MYO3B: variants seen among roughly 807,000 people sequenced by gnomAD.
The protein encoded by MYO3B is myosin IIIB, also known as myosin-IIIb.
Under a neutral mutation model 174.6 loss-of-function variants are expected in MYO3B, and 156 were observed. The observed-to-expected ratio is 0.89, with a 90% CI of 0.78 to 1.02. The LOEUF (loss-of-function observed/expected upper bound fraction) is 1.02, where lower values mean the gene tolerates loss of function less well. MYO3B is among the 50% of genes least tolerant of loss of function. The pLI is 0.00. For missense variants in MYO3B, 1,632 were observed against 1,639.4 expected, an observed-to-expected ratio of 1.00 and a Z score of 0.08; for synonymous variants, 563 against 569.1, an observed-to-expected ratio of 0.99 and a Z score of 0.15.
chr2:170,633,396 A>T (rs1383697299), intron 32 of MYO3B, among the ~76,000 whole-genome samples: 1 of 152,198 alleles, frequency 6.6e-6, no homozygotes, highest in Non-Finnish European at 1.5e-5. Context: ...CAGATGCAGA[A>T]AAGGCCTTGG....
intron 32 of MYO3B, among the ~76,000 whole-genome samples, chr2:170,582,360 G>T (rs1238907047): frequency 6.6e-6 from 1 of 152,212 alleles, no homozygotes. Flanking sequence ...TGTGCGTGGG[G>T]TGGAGTCAAG....
intron 8 of MYO3B, among the ~76,000 whole-genome samples, chr2:170,361,580 A>G (rs2094161528): frequency 6.6e-6 from 1 of 152,248 alleles, no homozygotes; most frequent in East Asian, 1.9e-4. Context: ...CTTAAACATA[A>G]GAAGGAGGTG....
chr2:170,333,822 T>C (rs1014667554), intron 7 of MYO3B: 27 of 152,206 alleles, frequency 1.8e-4, no homozygotes, highest in Admixed American at 1.7e-3. Context: ...ATGGTGCTTG[T>C]GCTTCTAGTA....
intron 32 of MYO3B, among the ~76,000 whole-genome samples, chr2:170,573,258 A>C (rs751505099): frequency 6.7e-6 from 1 of 149,184 alleles, no homozygotes; most frequent in Non-Finnish European, 1.5e-5. Context: ...TATGTATGCT[A>C]TGTTGTACTA....
intron 7 of MYO3B, among the ~76,000 whole-genome samples, chr2:170,264,179 A>G (rs2093365943): frequency 6.6e-6 from 1 of 152,246 alleles, no homozygotes; most frequent in Admixed American, 6.5e-5. Flanking sequence ...ACAGAACAAA[A>G]TGGAGTCTCT....
At chr2:170,358,880 G>A (rs2094141619) in intron 8 of MYO3B, among the ~76,000 whole-genome samples, 1 of 152,154 alleles carries the variant, frequency 6.6e-6, no homozygotes. Context: ...TTCTAAGCCT[G>A]TGCACATAAA....
rs550584991 is a variant in MYO3B, at chr2:170,213,382, G to A, written c.322-997G>A. On this transcript the variant is annotated intron_variant, in intron 3 of 34. Transcript: ENST00000408978. ...TGACCAAGCAGGGGGTACGTGACAG[G>A]GGCTGCATGCACCGGTGGTCAGAGT... Among the ~76,000 whole-genome samples, 446 of 152,252 alleles carry A rather than the reference G, an allele frequency of 2.9e-3. 3 individuals are homozygous for A. The highest frequency in any genetic ancestry group is 2.9e-3 in the Non-Finnish European group (195 of 68,026).
intron 7 of MYO3B, among the ~76,000 whole-genome samples, chr2:170,258,424 T>C (rs1314247867): frequency 6.6e-6 from 1 of 152,148 alleles, no homozygotes; most frequent in African/African-American, 2.4e-5. Flanking sequence ...AATCAATAAA[T>C]GTGATTCACC....
At chr2:170,479,563 T>G (rs1685547910) in intron 25 of MYO3B, among the ~76,000 whole-genome samples, 1 of 146,440 alleles carries the variant, frequency 6.8e-6, no homozygotes, top group Non-Finnish European at 1.5e-5. Flanking sequence ...TATAAATGTA[T>G]GTTTTATATA....
At chr2:170,391,289 G>A (rs1174322937) in intron 14 of MYO3B, among the ~76,000 whole-genome samples, 1 of 152,160 alleles carries the variant, frequency 6.6e-6, no homozygotes, top group East Asian at 1.9e-4. Context: ...TCCTGTAAAT[G>A]TCCCATTCTC....
chr2:170,243,018 T>C (rs1038515060), intron 7 of MYO3B, among the ~76,000 whole-genome samples: 3 of 152,154 alleles, frequency 2.0e-5, no homozygotes, highest in African/African-American at 7.2e-5. Flanking sequence ...AAAGGAAGGT[T>C]CTTCACAGCT....
intron 7 of MYO3B, among the ~76,000 whole-genome samples, chr2:170,272,203 C>A (rs1404466898): frequency 6.6e-6 from 1 of 151,964 alleles, no homozygotes; most frequent in African/African-American, 2.4e-5. Flanking sequence ...AATTCACAGG[C>A]CCTAGCCTAG....
intron 21 of MYO3B, among the ~76,000 whole-genome samples, chr2:170,407,470 AAAAAC>A (rs1171135827): frequency 1.3e-5 from 2 of 150,690 alleles, no homozygotes; most frequent in Non-Finnish European, 3.0e-5. Context: ...CAAGAAAGAA[AAAAAC>A]AAAACAACAA....
rs996375342 is a variant in MYO3B at position 170,211,787 on chromosome 2, A to C, written c.322-2592A>C. ...CACACAAAACAAGATGGAGGCCTGC[A>C]GCAAAGTTTGCTGTTGGCCATACAG... On this transcript the variant is annotated intron_variant, in intron 3 of 34. Coordinates refer to ENST00000408978, the MANE Select transcript of MYO3B (RefSeq NM_138995.5). Among the ~76,000 whole-genome samples the C allele has an allele frequency of 3.9e-5, 6 of 152,206 alleles. No homozygotes were observed. In the South Asian group the frequency reaches 1.2e-3, roughly 32 times the overall value.
chr2:170,322,519 T>G (rs947622296), intron 7 of MYO3B, among the ~76,000 whole-genome samples: 2 of 152,154 alleles, frequency 1.3e-5, no homozygotes, highest in Admixed American at 1.3e-4. Flanking sequence ...CATCCAGGTG[T>G]GAGAGGGGGT....
intron 32 of MYO3B, among the ~76,000 whole-genome samples, chr2:170,624,735 A>T (rs986177533): frequency 6.6e-6 from 1 of 152,062 alleles, no homozygotes; most frequent in Admixed American, 6.6e-5. Flanking sequence ...TTTGATATAC[A>T]TCTCATCAAT....
intron 14 of MYO3B, among the ~76,000 whole-genome samples, chr2:170,391,260 A>G (rs2094409910): frequency 6.6e-6 from 1 of 152,146 alleles, no homozygotes; most frequent in Non-Finnish European, 1.5e-5. Context: ...AGAGCTCAAC[A>G]TATGTAACTT....
At chr2:170,269,915 G>C (rs973226521) in intron 7 of MYO3B, among the ~76,000 whole-genome samples, 3 of 152,198 alleles carry the variant, frequency 2.0e-5, no homozygotes, top group Admixed American at 6.5e-5. Context: ...GAGGAGCAGG[G>C]CAGGAATAAT....
intron 32 of MYO3B, among the ~76,000 whole-genome samples, chr2:170,615,456 A>G (rs1695397179): frequency 6.6e-6 from 1 of 152,274 alleles, no homozygotes. Context: ...GCCAGTGCCA[A>G]GGTCCTGAAG....
Sources: allele counts gnomAD v4.1 joint callset (sites outside exome capture counted in the v4.1 genomes callset), GRCh38; gene constraint gnomAD v4.1.1; transcripts MANE v1.5; gene names NCBI Gene and HGNC (gene_info 2026-07-23, HGNC 2026-07-21).